Variants in IL18RAP observed in about 807,000 individuals in gnomAD.
IL18RAP encodes the protein interleukin 18 receptor accessory protein.
Under a neutral mutation model 58.1 loss-of-function variants are expected in IL18RAP, and 37 were observed. That is an observed-to-expected ratio of 0.64 (90% CI 0.49 to 0.84). IL18RAP has a LOEUF of 0.84. Among genes scored for constraint, IL18RAP ranks in the 40% least tolerant of loss-of-function variants. The probability of loss-of-function intolerance (pLI) is 0.00; values close to 1 mark genes in which losing one functional copy is unlikely to be tolerated. For missense variants in IL18RAP, 667 were observed against 704.8 expected, an observed-to-expected ratio of 0.95 and a Z score of 0.61; for synonymous variants, 268 against 257.5, an observed-to-expected ratio of 1.04 and a Z score of -0.39.
chr2:102,442,521 A>G (rs1259784027), intron 5 of IL18RAP, among the ~76,000 whole-genome samples: 1 of 152,180 alleles, frequency 6.6e-6, no homozygotes, highest in Admixed American at 6.5e-5. Context: ...GTCAAGTTAC[A>G]TATGTATTAG....
chr2:102,430,971 C>T (rs531176065), intron 3 of IL18RAP, among the ~76,000 whole-genome samples: 7 of 152,232 alleles, frequency 4.6e-5, no homozygotes, highest in Non-Finnish European at 7.4e-5. Context: ...TTATATACCA[C>T]CCTTACATTA....
chr2:102,436,462 G>A (rs1372009664), intron 3 of IL18RAP, among the ~76,000 whole-genome samples: 1 of 152,070 alleles, frequency 6.6e-6, no homozygotes, highest in Non-Finnish European at 1.5e-5. Context: ...GCACTTCTCT[G>A]GCCACTCTGC....
Position 102,424,068 on chromosome 2 carries a change from A to G in IL18RAP, c.328A>G (p.Thr110Ala). 1 of 1,614,098 alleles carries G rather than the reference A, an allele frequency of 6.2e-7. No homozygotes were observed. The change falls in exon 2 of 10, where the codon ACC becomes GCC. Residue 110 changes from threonine (T) to alanine (A), a missense_variant. Coordinates refer to ENST00000687160, the MANE Select transcript of IL18RAP (RefSeq NM_001393487.1). ...TCCTCACATCATTCAGGACAAATGT[A>G]CCCTTCACTTTTTGACCCCAGGGGT... ...SYPHIIQDKC[T>A]LHFLTPGVNN...
Position 102,437,062 on chromosome 2 carries a change from G to A in IL18RAP, c.580-150G>A. 4.6e-6 allele frequency: 3 copies of A among 656,874 alleles called. No homozygotes were observed. In the Admixed American group the frequency reaches 9.9e-5, roughly 22 times the overall value. 40.7% of individuals were successfully genotyped at this position (656,874 alleles called of 1,614,324 possible). On this transcript the variant is annotated intron_variant, in intron 3 of 9. Transcript: ENST00000687160. ...TTTCAAATCTACAAGTACAGTTTTT[G>A]AACACAATGTCTTCATAGCTTGTGA...
chr2:102,419,354 T>C (rs949625435), upstream of IL18RAP: 1 of 152,226 alleles, frequency 6.6e-6, no homozygotes, highest in Admixed American at 6.5e-5. Flanking sequence ...ATTAGTTAAA[T>C]TAAATACTGT....
chr2:102,436,863 A>T (rs1352968697), intron 3 of IL18RAP, among the ~76,000 whole-genome samples: 3 of 151,838 alleles, frequency 2.0e-5, no homozygotes, highest in African/African-American at 7.3e-5. Context: ...TAAAAAATTC[A>T]TTTCAGTTTC....
intron 8 of IL18RAP, among the ~76,000 whole-genome samples, chr2:102,448,554 C>A (rs1683569817): frequency 6.6e-6 from 1 of 152,116 alleles, no homozygotes. Flanking sequence ...TGCAGGATTT[C>A]ACGGATAATT....
chr2:102,425,058 A>T (rs1029048407), intron 3 of IL18RAP, among the ~76,000 whole-genome samples: 4 of 152,200 alleles, frequency 2.6e-5, no homozygotes, highest in African/African-American at 9.7e-5. Flanking sequence ...GTGCTAGCAG[A>T]TGATGAAATG....
At chr2:102,422,899 A>G (rs1330326757), upstream of IL18RAP, among the ~76,000 whole-genome samples, 1 of 152,208 alleles carries the variant, frequency 6.6e-6, no homozygotes, top group African/African-American at 2.4e-5. Flanking sequence ...TCATGGAAAT[A>G]CACATGCTAG....
upstream of IL18RAP, among the ~76,000 whole-genome samples, chr2:102,421,268 T>C (rs1573254884): frequency 1.2e-5 from 1 of 81,338 alleles, no homozygotes; most frequent in South Asian, 2.9e-4. Flanking sequence ...AGATGGTTGA[T>C]GGCAAGAAGG....
chr2:102,427,991 T>C (rs868226521), intron 3 of IL18RAP, among the ~76,000 whole-genome samples: 23 of 151,800 alleles, frequency 1.5e-4, no homozygotes, highest in African/African-American at 4.8e-4. Context: ...TTTTTTTTTT[T>C]TTTTAATTTA....
At chr2:102,427,593 A>G (rs949317620) in intron 3 of IL18RAP, among the ~76,000 whole-genome samples, 2 of 151,986 alleles carry the variant, frequency 1.3e-5, no homozygotes, top group African/African-American at 4.8e-5. Flanking sequence ...GCAGTGTTTG[A>G]GTTCCTTATA....
intron 7 of IL18RAP, among the ~76,000 whole-genome samples, chr2:102,446,424 C>A (rs1374086706): frequency 6.6e-6 from 1 of 152,080 alleles, no homozygotes; most frequent in Non-Finnish European, 1.5e-5. Context: ...ACACTACACC[C>A]GTTGTGTCGT....
At chr2:102,435,384 G>C (rs1346745560) in intron 3 of IL18RAP, 1 of 152,218 alleles carries the variant, frequency 6.6e-6, no homozygotes, top group Non-Finnish European at 1.5e-5. Context: ...CTTTGACTGG[G>C]AGTGTGTGTA....
At chr2:102,439,475 C>T (rs1398827450) in intron 4 of IL18RAP, 1 of 152,300 alleles carries the variant, frequency 6.6e-6, no homozygotes, top group Admixed American at 6.5e-5. Context: ...AATGTGCTGA[C>T]AGAGCACAAC....
chr2:102,426,591 G>C (rs1681960274), intron 3 of IL18RAP, among the ~76,000 whole-genome samples: 1 of 151,994 alleles, frequency 6.6e-6, no homozygotes, highest in South Asian at 2.1e-4. Context: ...TCTCCAATAA[G>C]TGGTGTTAGG....
chr2:102,430,849 T>C (rs1209977948), intron 3 of IL18RAP, among the ~76,000 whole-genome samples: 4 of 152,100 alleles, frequency 2.6e-5, no homozygotes, highest in Non-Finnish European at 5.9e-5. Flanking sequence ...CTTTTATGGG[T>C]TTGATGTCAA....
At chr2:102,441,263 G>A (rs1234272234) in intron 4 of IL18RAP, 49 bp from the exon 5 acceptor site, 4 of 1,417,504 alleles carry the variant, frequency 2.8e-6, no homozygotes, top group Non-Finnish European at 4.0e-6. Flanking sequence ...CATCAAGCAG[G>A]CCTTCAGACT....
At chr2:102,451,670 TC>T (rs1683774662) in intron 9 of IL18RAP, 95 bp from the exon 10 acceptor site, 1 of 1,003,752 alleles carries the variant, frequency 1.0e-6, no homozygotes, top group African/African-American at 1.6e-5. Flanking sequence ...TAAACATGTC[TC>T]CCTTCCTCCT....
Sources: gnomAD v4.1 joint callset for allele counts (sites outside exome capture counted in the v4.1 genomes callset) on GRCh38, gnomAD v4.1.1 for gene constraint, MANE v1.5 for transcripts, NCBI Gene and HGNC (gene_info 2026-07-23, HGNC 2026-07-21) for gene names.